The following COP1 variants were observed in gnomAD, a reference collection of about 807,000 sequenced individuals.
COP1 encodes the protein E3 ubiquitin-protein ligase COP1.
In COP1, 24 loss-of-function variants were observed where a neutral mutation model predicts 101.3. The ratio of observed to expected loss-of-function variants is 0.24; its 90% CI spans 0.17 to 0.33. COP1 has a LOEUF of 0.33. Among genes scored for constraint, COP1 ranks in the 10% least tolerant of loss-of-function variants. The pLI is 1.00. For missense variants in COP1, 663 were observed against 906.2 expected, an observed-to-expected ratio of 0.73 and a Z score of 3.45; for synonymous variants, 347 against 341.9, an observed-to-expected ratio of 1.01 and a Z score of -0.17.
chr1:176,116,471 A>G (rs1409429557), intron 9 of COP1, among the ~76,000 whole-genome samples, 153 bp downstream of exon 9: 1 of 152,238 alleles, frequency 6.6e-6, no homozygotes, highest in Non-Finnish European at 1.5e-5. Context: ...TGATTCTACC[A>G]TTATGCATAA....
intron 15 of COP1, among the ~76,000 whole-genome samples, chr1:176,026,957 A>G (rs886900885): frequency 4.6e-5 from 7 of 152,178 alleles, no homozygotes; most frequent in African/African-American, 1.7e-4. Context: ...GAAAGAGGGC[A>G]CTAATAATAA....
chr1:176,134,140 A>G (rs1294950710), intron 8 of COP1, among the ~76,000 whole-genome samples: 3 of 151,942 alleles, frequency 2.0e-5, no homozygotes, highest in Non-Finnish European at 4.4e-5. Context: ...TAGCTTTCCT[A>G]AAGTGATAAG....
At chr1:175,948,969 C>T (rs990596078) in intron 18 of COP1, among the ~76,000 whole-genome samples, 2 of 151,258 alleles carry the variant, frequency 1.3e-5, no homozygotes, top group Non-Finnish European at 2.9e-5. Context: ...TCGAGACCAT[C>T]CTGGCTAATA....
At chr1:176,159,391 G>A (rs1277638487) in intron 5 of COP1, among the ~76,000 whole-genome samples, 1 of 152,104 alleles carries the variant, frequency 6.6e-6, no homozygotes. Context: ...CAGACTGGCA[G>A]TAACTAAAAA....
intron 15 of COP1, among the ~76,000 whole-genome samples, chr1:175,993,800 A>C (rs1292310233): frequency 2.0e-5 from 3 of 152,216 alleles, no homozygotes; most frequent in Non-Finnish European, 1.5e-5. Flanking sequence ...GGAGAATGGA[A>C]CCAAGTTGGA....
chr1:175,946,951 T>C (rs1649251082), intron 19 of COP1, among the ~76,000 whole-genome samples: 1 of 152,224 alleles, frequency 6.6e-6, no homozygotes, highest in Admixed American at 6.5e-5. Flanking sequence ...CTAGTCTTTA[T>C]CTGTTTTTCA....
chr1:176,136,501 A>G lies in COP1; in HGVS notation c.878T>C (p.Ile293Thr). The change falls in exon 7 of 20, where the codon ATT becomes ACT. Residue 293 changes from isoleucine (I) to threonine (T), a missense_variant. Ile to Thr is a moderately conservative substitution (Grantham distance 89). Transcript: ENST00000367669. ...QKELSVLEED[I>T]KRVEEMSGLY... ...TTGATTCCTTACTTCCACTCTCTTA[A>G]TATCCTCTTCCAAAACACTTAGCTC... The G allele has an allele frequency of 6.2e-7, 1 of 1,605,118 alleles. No homozygotes were observed. Among genetic ancestry groups the G allele is most frequent in the Non-Finnish European group, 8.5e-7 (1 of 1,173,496 alleles).
intron 8 of COP1, among the ~76,000 whole-genome samples, chr1:176,130,576 A>ACATAC (rs1688725656): frequency 1.3e-5 from 2 of 151,782 alleles, no homozygotes; most frequent in Non-Finnish European, 3.0e-5. Flanking sequence ...TTTTTAAAAA[A>ACATAC]CATACCTCAC....
intron 5 of COP1, 45 bp downstream of exon 5, chr1:176,162,824 A>G (rs1313690780): frequency 1.3e-6 from 2 of 1,529,010 alleles, no homozygotes; most frequent in African/African-American, 1.4e-5. Context: ...TTATTGCAAT[A>G]AAGTTCATCA....
chr1:176,050,475 T>C (rs1231976603), intron 11 of COP1, among the ~76,000 whole-genome samples: 1 of 152,214 alleles, frequency 6.6e-6, no homozygotes, highest in Non-Finnish European at 1.5e-5. Flanking sequence ...GCCCAACTTA[T>C]ATCAAATTAA....
chr1:175,965,645 G>C (rs985495928), intron 18 of COP1, among the ~76,000 whole-genome samples: 12 of 151,410 alleles, frequency 7.9e-5, no homozygotes, highest in Non-Finnish European at 1.3e-4. Flanking sequence ...CTGGACTGCA[G>C]TGGTGCAGTC....
chr1:176,091,720 T>C (rs1397818046), intron 9 of COP1, among the ~76,000 whole-genome samples: 4 of 151,694 alleles, frequency 2.6e-5, no homozygotes, highest in African/African-American at 9.7e-5. Flanking sequence ...AGAAGAGGGA[T>C]GGTGGGGGAG....
chr1:175,995,733 T>G (rs948719659), intron 15 of COP1, among the ~76,000 whole-genome samples: 27 of 152,128 alleles, frequency 1.8e-4, no homozygotes, highest in Admixed American at 4.6e-4. Flanking sequence ...AATAACAGGC[T>G]CTGAAATTGT....
intron 9 of COP1, among the ~76,000 whole-genome samples, chr1:176,097,868 C>CAAAAA (rs35822200): frequency 2.5e-5 from 2 of 79,332 alleles, no homozygotes; most frequent in Non-Finnish European, 4.6e-5. Context: ...AACTCCATCT[C>CAAAAA]AAAAAAAAAA....
At chr1:176,181,065 A>G (rs1697676420) in intron 2 of COP1, among the ~76,000 whole-genome samples, 2 of 152,236 alleles carry the variant, frequency 1.3e-5, no homozygotes, top group South Asian at 4.1e-4. Context: ...TACGTTATGT[A>G]AAAGTCAGAT....
intron 18 of COP1, 50 bp from the exon 19 acceptor site, chr1:175,947,289 G>A (rs1414270326): frequency 3.2e-6 from 4 of 1,240,028 alleles, no homozygotes; most frequent in Admixed American, 1.7e-5. Context: ...TTCCTGGAGA[G>A]CAATCCAAGA....
At chr1:176,165,175 T>C (rs960185291) in intron 3 of COP1, among the ~76,000 whole-genome samples, 1 of 152,184 alleles carries the variant, frequency 6.6e-6, no homozygotes, top group African/African-American at 2.4e-5. Flanking sequence ...TAATATAATG[T>C]GATAATCAGT....
intron 8 of COP1, among the ~76,000 whole-genome samples, chr1:176,129,695 C>T (rs1034054329): frequency 2.0e-5 from 3 of 151,732 alleles, no homozygotes; most frequent in Non-Finnish European, 4.4e-5. Flanking sequence ...CTAAGTTATC[C>T]GATGTTCTGA....
intron 18 of COP1, among the ~76,000 whole-genome samples, chr1:175,949,967 A>G (rs1649666546): frequency 6.6e-6 from 1 of 152,178 alleles, no homozygotes; most frequent in Admixed American, 6.5e-5. Context: ...ATCTTACAGT[A>G]TGAAAAATTA....
Sources: allele counts gnomAD v4.1 joint callset (sites outside exome capture counted in the v4.1 genomes callset), GRCh38; gene constraint gnomAD v4.1.1; transcripts MANE v1.5; gene names NCBI Gene and HGNC (gene_info 2026-07-23, HGNC 2026-07-21).